Variants in DPP10 observed in about 807,000 individuals in gnomAD.
The protein encoded by DPP10 is inactive dipeptidyl peptidase 10.
DPP10 carries 33 observed loss-of-function variants against 120.9 expected under a neutral mutation model. That is an observed-to-expected ratio of 0.27 (90% CI 0.21 to 0.37). The LOEUF (loss-of-function observed/expected upper bound fraction) is 0.37. DPP10 is among the 10% of genes least tolerant of loss of function. The pLI, the probability that DPP10 is intolerant of heterozygous loss-of-function variation, is 1.00. For synonymous variants in DPP10, 337 were observed against 326.1 expected (o/e 1.03, Z -0.36); for missense variants, 816 against 942.8 (o/e 0.87, Z 1.76).
Position 115,791,369 on chromosome 2 carries a change from T to C in DPP10, c.1700+13T>C. ...TTCTGTTAATAATGTAAGTATTTTATTTGTTTTTAAAATAAAGGAATCTAA... is the reference window on the plus strand; with the variant it reads ...TTCTGTTAATAATGTAAGTATTTTACTTGTTTTTAAAATAAAGGAATCTAA... On this transcript the variant is annotated intron_variant, in intron 19 of 25. Coordinates refer to ENST00000410059, the MANE Select transcript of DPP10 (RefSeq NM_020868.6). The C allele has an allele frequency of 6.3e-7, 1 of 1,575,682 alleles. No individual in the cohort carries two copies. Among genetic ancestry groups the C allele is most frequent in the Non-Finnish European group, 8.6e-7 (1 of 1,164,230 alleles).
chr2:114,627,743 G>A (rs559403509), intron 1 of DPP10, among the ~76,000 whole-genome samples: 1 of 152,072 alleles, frequency 6.6e-6, no homozygotes. Context: ...GAATGATGAG[G>A]CACCAGAAAC....
intron 3 of DPP10, among the ~76,000 whole-genome samples, chr2:115,464,032 G>A (rs2074152964): frequency 6.6e-6 from 1 of 152,044 alleles, no homozygotes; most frequent in South Asian, 2.1e-4. Flanking sequence ...GCTCTTCGTG[G>A]CTCATGATGG....
rs191401366 is a variant in DPP10 at position 115,015,586 on chromosome 2, G to T, written c.61-293653G>T. On this transcript the variant is annotated intron_variant, in intron 1 of 25. Transcript: ENST00000410059. ...TTCTCTATTTGCAGATAACTTGATT[G>T]TATATTTAGAAAACCCCATCATCTC... Among the ~76,000 whole-genome samples the T allele has an allele frequency of 2.6e-3, 389 of 152,252 alleles. 2 individuals are homozygous for T. The highest frequency in any genetic ancestry group is 8.8e-3 in the African/African-American group (367 of 41,566).
Position 114,686,242 on chromosome 2 carries a change from A to G in DPP10, c.60+243404A>G, listed in dbSNP as rs189290031. On this transcript the variant is annotated intron_variant, in intron 1 of 25. Coordinates refer to ENST00000410059, the MANE Select transcript of DPP10 (RefSeq NM_020868.6). ...ACTGAAAAATTACCTAACCTTGTTT[A>G]GTATCAATTTTTGTATCTGTTTTTC... Among the ~76,000 whole-genome samples the G allele has an allele frequency of 3.9e-5, 6 of 152,108 alleles. No homozygotes were observed. The East Asian group carries it at 1.2e-3, about 30-fold the overall frequency.
At position 115,815,711 on chromosome 2, in the gene DPP10, A is replaced by G; in HGVS notation, c.1932A>G (p.Arg644=). 1 of 1,601,378 alleles carries G rather than the reference A, an allele frequency of 6.2e-7. No homozygotes were observed. The highest frequency in any genetic ancestry group is 8.5e-7 in the Non-Finnish European group (1 of 1,172,626). ...AACTGCCTTACATTGACTCCAAAAGATTAAGCATTTTTGGAAAGGTAAATA... is the reference window on the plus strand; with the variant it reads ...AACTGCCTTACATTGACTCCAAAAGGTTAAGCATTTTTGGAAAGGTAAATA... ...LLKLPYIDSK[R]LSIFGKGYGG... Residue 644 remains arginine (R), a synonymous_variant, in exon 21 of 26, where the codon AGA becomes AGG. Coordinates refer to ENST00000410059, the MANE Select transcript of DPP10 (RefSeq NM_020868.6).
intron 5 of DPP10, among the ~76,000 whole-genome samples, chr2:115,582,757 A>G (rs1322746713): frequency 6.6e-6 from 1 of 152,224 alleles, no homozygotes; most frequent in Non-Finnish European, 1.5e-5. Context: ...TAGTATAAGT[A>G]ATAATCTCCT....
chr2:115,654,620 TAAA>T (rs1434358575), intron 5 of DPP10, among the ~76,000 whole-genome samples: 3 of 150,692 alleles, frequency 2.0e-5, no homozygotes, highest in African/African-American at 7.4e-5. Flanking sequence ...GTGTGGAAAT[TAAA>T]TAATATGCTT....
At chr2:115,769,962 A>G (rs1302806508) in intron 13 of DPP10, among the ~76,000 whole-genome samples, 1 of 152,020 alleles carries the variant, frequency 6.6e-6, no homozygotes, top group Non-Finnish European at 1.5e-5. Context: ...TGTGAAAAAT[A>G]TAAGTAGTAA....
chr2:115,800,786 T>C (rs1239860720), intron 19 of DPP10, among the ~76,000 whole-genome samples: 1 of 152,156 alleles, frequency 6.6e-6, no homozygotes, highest in Non-Finnish European at 1.5e-5. Context: ...TCTGTTCCAT[T>C]GGTCTATATC....
chr2:114,643,552 C>T (rs1246847798), intron 1 of DPP10, among the ~76,000 whole-genome samples: 1 of 151,868 alleles, frequency 6.6e-6, no homozygotes, highest in Non-Finnish European at 1.5e-5. Context: ...CATCTCAAGT[C>T]CTCCTTTAAG....
chr2:115,449,206 T>A (rs2072894701), intron 3 of DPP10, among the ~76,000 whole-genome samples: 1 of 152,156 alleles, frequency 6.6e-6, no homozygotes, highest in African/African-American at 2.4e-5. Context: ...ATTTTCTAAA[T>A]AAGTTAATAA....
intron 1 of DPP10, among the ~76,000 whole-genome samples, chr2:115,199,024 T>G (rs181817405): frequency 9.2e-5 from 14 of 152,270 alleles, no homozygotes; most frequent in African/African-American, 2.9e-4. Context: ...AAAAACATGG[T>G]AGAGGCTAAT....
chr2:115,025,150 C>T lies in DPP10; in HGVS notation c.61-284089C>T, dbSNP rs187516084. On this transcript the variant is annotated intron_variant, in intron 1 of 25. Transcript: ENST00000410059. ...TATATTTGTCTTTTTAATCAACCCT[C>T]CTCCACCTCCCCTTCTCAGCCTCTG... 4.0e-5 allele frequency among the ~76,000 whole-genome samples: 6 copies of T among 150,122 alleles called. No homozygotes were observed. The East Asian group carries it at 1.2e-3, about 30-fold the overall frequency.
In DPP10 at chr2:115,727,939, G is replaced by A. The variant is rs373598367; in HGVS notation, c.697+3G>A. 1 of 1,593,484 alleles carries A rather than the reference G, an allele frequency of 6.3e-7. No individual in the cohort carries two copies. Among genetic ancestry groups the A allele is most frequent in the Non-Finnish European group, 8.5e-7 (1 of 1,173,472 alleles). Reference sequence around the variant, plus strand: ...GATTGCTGACTGGTTATATGAAGGTGAGTTGATCAGATTTAGTTTCAAAGG... The same window carrying A: ...GATTGCTGACTGGTTATATGAAGGTAAGTTGATCAGATTTAGTTTCAAAGG... On this transcript the variant is annotated splice_donor_region_variant and intron_variant, in intron 8 of 25. Transcript: ENST00000410059.
chr2:114,796,973 G>T (rs1214661372), intron 1 of DPP10, among the ~76,000 whole-genome samples: 1 of 152,148 alleles, frequency 6.6e-6, no homozygotes. Flanking sequence ...TAGGTGGTTT[G>T]ATCATAGAAC....
chr2:115,167,427 GAAAAT>G (rs1294018165), intron 1 of DPP10, among the ~76,000 whole-genome samples: 1 of 151,402 alleles, frequency 6.6e-6, no homozygotes, highest in Non-Finnish European at 1.5e-5. Context: ...AAACAAAAAA[GAAAAT>G]AAAAAGAAAA....
At chr2:115,418,268 G>C (rs547465106) in intron 3 of DPP10, among the ~76,000 whole-genome samples, 44 of 152,134 alleles carry the variant, frequency 2.9e-4, no homozygotes, top group Non-Finnish European at 4.6e-4. Flanking sequence ...GGAAGGCCTG[G>C]GAGGAGCAAG....
chr2:115,792,344 G>C (rs1684080342), intron 19 of DPP10, among the ~76,000 whole-genome samples: 1 of 151,866 alleles, frequency 6.6e-6, no homozygotes, highest in Non-Finnish European at 1.5e-5. Context: ...TATAATTATT[G>C]CGATTATAAT....
chr2:115,022,466 G>C (rs1559003691), intron 1 of DPP10, among the ~76,000 whole-genome samples: 2 of 151,820 alleles, frequency 1.3e-5, no homozygotes, highest in African/African-American at 4.8e-5. Context: ...GGACGTGAAA[G>C]AACAACAACA....
Sources: gnomAD v4.1 joint callset for allele counts (sites outside exome capture counted in the v4.1 genomes callset) on GRCh38, gnomAD v4.1.1 for gene constraint, MANE v1.5 for transcripts, NCBI Gene and HGNC (gene_info 2026-07-23, HGNC 2026-07-21) for gene names.